Variants in NME9 observed in about 807,000 individuals in gnomAD.
NME9 encodes thioredoxin domain-containing protein 6.
Under a neutral mutation model 44.4 loss-of-function variants are expected in NME9, and 48 were observed. That is an observed-to-expected ratio of 1.08 (90% confidence interval 0.86 to 1.37). The LOEUF (loss-of-function observed/expected upper bound fraction) is 1.37. NME9 is among the 40% of genes most tolerant of loss of function. The pLI is 0.00. For synonymous variants in NME9, 139 were observed against 147.1 expected (o/e 0.94, Z 0.40); for missense variants, 325 against 405.2 (o/e 0.80, Z 1.70).
At chr3:138,273,613 TG>T (rs2048986287) in intron 8 of NME9, among the ~76,000 whole-genome samples, 1 of 152,194 alleles carries the variant, frequency 6.6e-6, no homozygotes, top group Non-Finnish European at 1.5e-5. Flanking sequence ...GCCTTGCTGG[TG>T]GGATACCTCT....
chr3:138,285,122 G>A (rs2050283514), intron 8 of NME9, among the ~76,000 whole-genome samples: 1 of 152,202 alleles, frequency 6.6e-6, no homozygotes, highest in Non-Finnish European at 1.5e-5. Context: ...CAACTGCAGA[G>A]AAAGGCACAG....
At chr3:138,282,872 CAA>C (rs2050071842) in intron 8 of NME9, among the ~76,000 whole-genome samples, 1 of 152,058 alleles carries the variant, frequency 6.6e-6, no homozygotes, top group African/African-American at 2.4e-5. Context: ...AGAGACTAAC[CAA>C]AAAGAGTGCA....
At chr3:138,324,728 AC>A in intron 2 of NME9, 144 bp downstream of exon 2, 2 of 667,736 alleles carry the variant, frequency 3.0e-6, no homozygotes, top group East Asian at 2.7e-5. Flanking sequence ...ACACACACAC[AC>A]ACACACACAC....
chr3:138,328,256 A>C (rs2053912292), intron 1 of NME9, among the ~76,000 whole-genome samples: 1 of 152,214 alleles, frequency 6.6e-6, no homozygotes, highest in African/African-American at 2.4e-5. Context: ...AGGTTATGTG[A>C]TGTAGTCAAA....
At chr3:138,301,907 C>G (rs1028909702) in intron 10 of NME9, among the ~76,000 whole-genome samples, 3 of 152,184 alleles carry the variant, frequency 2.0e-5, no homozygotes, top group Non-Finnish European at 4.4e-5. Flanking sequence ...AGATGCCAGA[C>G]CAAGAGCTTT....
chr3:138,306,214 C>T lies in NME9; in HGVS notation c.544-118G>A. On this transcript the variant is annotated intron_variant, in intron 7 of 10. Transcript: ENST00000333911. ...GGCAACATTAAAGGCTGTGGAGACACTGATCCCCACATTATCTGTCCCAAT... is the reference window on the plus strand; with the variant it reads ...GGCAACATTAAAGGCTGTGGAGACATTGATCCCCACATTATCTGTCCCAAT... 3.6e-6 allele frequency: 3 copies of T among 837,310 alleles called. 1 individual carries two copies. The highest frequency in any genetic ancestry group is 2.9e-5 in the South Asian group (2 of 68,372). The allele number at this position is 837,310 out of a possible 1,614,324, so 51.9% of individuals were successfully genotyped here.
At chr3:138,271,921 G>C (rs147615172) in intron 8 of NME9, among the ~76,000 whole-genome samples, 1 of 151,366 alleles carries the variant, frequency 6.6e-6, no homozygotes, top group South Asian at 2.1e-4. Flanking sequence ...TCAACCTCCT[G>C]AGTAGCTGGG....
intron 8 of NME9, among the ~76,000 whole-genome samples, chr3:138,277,414 T>C (rs1479701819): frequency 1.3e-5 from 2 of 152,226 alleles, no homozygotes; most frequent in African/African-American, 4.8e-5. Flanking sequence ...TTCATCAAAC[T>C]GTAAAACTTC....
chr3:138,304,802 A>G, intron 9 of NME9, 71 bp downstream of exon 9: 2 of 1,449,474 alleles, frequency 1.4e-6, no homozygotes, highest in South Asian at 2.5e-5. Flanking sequence ...TAGGCTGAAC[A>G]CTGAGTGGGA....
chr3:138,315,164 T>C (rs148733622), intron 5 of NME9, among the ~76,000 whole-genome samples: 45 of 152,254 alleles, frequency 3.0e-4, no homozygotes, highest in African/African-American at 1.0e-3. Flanking sequence ...AGCCAGTGGG[T>C]CACTAGGAGA....
intron 6 of NME9, among the ~76,000 whole-genome samples, chr3:138,308,923 T>C (rs1240990262): frequency 1.6e-5 from 2 of 125,028 alleles, no homozygotes; most frequent in Non-Finnish European, 3.2e-5. Context: ...GGCAGTGGAA[T>C]GACATTTCCA....
At chr3:138,304,008 T>TC (rs1189746571) in intron 9 of NME9, among the ~76,000 whole-genome samples, 4 of 152,238 alleles carry the variant, frequency 2.6e-5, no homozygotes, top group Admixed American at 2.0e-4. Context: ...AAGTGCTTGA[T>TC]AAAGTTGTGC....
chr3:138,329,755 T>G lies in NME9; in HGVS notation c.-420A>C. ...TATCCCTGCTGTTCTTATGGATTAC[T>G]GGGAAAGTGAGCCACTGCGAACGAC... On this transcript the variant is annotated 5_prime_UTR_variant, in exon 1 of 11. Transcript: ENST00000333911. 1 of 1,004,126 alleles carries G rather than the reference T, an allele frequency of 1.0e-6. No individual in the cohort carries two copies. The allele number at this position is 1,004,126 out of a possible 1,614,324, so 62.2% of individuals were successfully genotyped here.
Position 138,319,416 on chromosome 3 carries a change from CTT to C in NME9, c.195+60_195+61del. ...ACTCTCACACTTCTCCTTCCTGACT[CTT>C]TTAAATTTTTAAATTCTTTTTACAA... On this transcript the variant is annotated intron_variant, in intron 3 of 10. Transcript: ENST00000333911. 3.0e-6 allele frequency: 3 copies of C among 995,198 alleles called. No individual in the cohort carries two copies. In the South Asian group the frequency reaches 4.0e-5, roughly 13 times the overall value. The allele number at this position is 995,198 out of a possible 1,614,324, so 61.6% of individuals were successfully genotyped here. A position where few individuals can be genotyped will look rare whatever the true frequency, so the allele number is the denominator to read the frequency against.
At chr3:138,324,805 A>C in intron 2 of NME9, 68 bp downstream of exon 2, 1 of 1,267,344 alleles carries the variant, frequency 7.9e-7, no homozygotes, top group Non-Finnish European at 1.2e-6. Flanking sequence ...CCTTCTCTTC[A>C]TGGTTCATCA....
At chr3:138,272,879 TA>T (rs1394576770) in intron 8 of NME9, 205 of 1,192,964 alleles carry the variant, frequency 1.7e-4, no homozygotes, top group South Asian at 2.2e-4. Flanking sequence ...CTCAAAAAAA[TA>T]AAAAAAAATT....
intron 6 of NME9, among the ~76,000 whole-genome samples, chr3:138,312,153 T>G (rs929910783): frequency 6.6e-6 from 1 of 152,202 alleles, no homozygotes; most frequent in Admixed American, 6.5e-5. Context: ...TCCATGCTGA[T>G]GGATTGGGAG....
intron 8 of NME9, among the ~76,000 whole-genome samples, chr3:138,288,584 G>A (rs899525693): frequency 6.7e-6 from 1 of 148,780 alleles, no homozygotes; most frequent in Non-Finnish European, 1.5e-5. Flanking sequence ...ACTCATTAGT[G>A]TTAACTTCAT....
rs750096434 is a variant in NME9 at position 138,273,015 on chromosome 3, A to G, written c.746-10429T>C. On this transcript the variant is annotated intron_variant, in intron 8 of 8. Transcript: ENST00000317876. ...AAAAATAAAAGCAGATATTTTACGA[A>G]GCTTGAGTACTGAACAGCTATTCCG... 5 of 1,608,172 alleles carry G rather than the reference A, an allele frequency of 3.1e-6. No homozygotes were observed. The highest frequency in any genetic ancestry group is 1.7e-4 in the Middle Eastern group (1 of 6,048).
Sources: gnomAD v4.1 joint callset for allele counts (sites outside exome capture counted in the v4.1 genomes callset) on GRCh38, gnomAD v4.1.1 for gene constraint, MANE v1.5 for transcripts, NCBI Gene and HGNC (gene_info 2026-07-23, HGNC 2026-07-21) for gene names.